Variants in FIG4 observed in about 807,000 individuals in gnomAD.
The protein encoded by FIG4 is polyphosphoinositide phosphatase.
A neutral mutation model predicts 118.6 loss-of-function variants in FIG4; 112 were observed. The observed-to-expected ratio is 0.94, with a 90% confidence interval of 0.81 to 1.11. FIG4 has a LOEUF of 1.11. FIG4 is among the 50% of genes least tolerant of loss of function. FIG4 has a pLI of 0.00. For synonymous variants in FIG4, 369 were observed against 381.2 expected, an observed-to-expected ratio of 0.97 and a Z score of 0.37; for missense variants, 969 against 1,111.7, an observed-to-expected ratio of 0.87 and a Z score of 1.83.
intron 3 of FIG4, among the ~76,000 whole-genome samples, chr6:109,724,305 G>A (rs932058572): frequency 5.9e-5 from 9 of 152,136 alleles, no homozygotes; most frequent in African/African-American, 2.2e-4. Flanking sequence ...AATATTTCAT[G>A]GAGAACACAT....
chr6:109,823,143 C>T (rs1024030516), intron 22 of FIG4, among the ~76,000 whole-genome samples: 10 of 152,042 alleles, frequency 6.6e-5, no homozygotes, highest in African/African-American at 2.4e-4. Flanking sequence ...TCAACCTTTG[C>T]CAGACTGCAG....
intron 1 of FIG4, among the ~76,000 whole-genome samples, chr6:109,698,454 G>A (rs188605655): frequency 6.6e-6 from 1 of 152,320 alleles, no homozygotes; most frequent in African/African-American, 2.4e-5. Context: ...AATCTAGAAA[G>A]AGGAACACTT....
At chr6:109,804,648 A>G (rs1778515159) in intron 22 of FIG4, among the ~76,000 whole-genome samples, 1 of 152,178 alleles carries the variant, frequency 6.6e-6, no homozygotes, top group African/African-American at 2.4e-5. Context: ...AAGTATTTTA[A>G]TATTATTACT....
chr6:109,778,792 G>A (rs1290041722), intron 16 of FIG4, among the ~76,000 whole-genome samples: 1 of 152,000 alleles, frequency 6.6e-6, no homozygotes, highest in Non-Finnish European at 1.5e-5. Flanking sequence ...GTAGAGACGG[G>A]GTTTCACTGT....
chr6:109,757,523 G>T (rs759451868), intron 10 of FIG4, among the ~76,000 whole-genome samples: 6 of 152,140 alleles, frequency 3.9e-5, no homozygotes, highest in African/African-American at 7.2e-5. Flanking sequence ...ATGGGCAAAA[G>T]CTGGAAGCAT....
At chr6:109,763,463 A>G (rs191597967) in intron 12 of FIG4, among the ~76,000 whole-genome samples, 1 of 152,372 alleles carries the variant, frequency 6.6e-6, no homozygotes, top group African/African-American at 2.4e-5. Flanking sequence ...AGTAGTCTCT[A>G]AAAGGAAATC....
chr6:109,792,555 T>A, intron 20 of FIG4, 27 bp from the exon 21 acceptor site: 1 of 1,416,516 alleles, frequency 7.1e-7, no homozygotes, highest in Admixed American at 1.7e-5. Flanking sequence ...TTCTTCCTGG[T>A]TCTTCTTTTT....
chr6:109,700,541 G>A (rs1445908704), intron 1 of FIG4, among the ~76,000 whole-genome samples: 1 of 152,218 alleles, frequency 6.6e-6, no homozygotes, highest in African/African-American at 2.4e-5. Flanking sequence ...GGAAGTATTT[G>A]AAAGAAATGG....
chr6:109,692,959 C>T (rs566622997), intron 1 of FIG4, among the ~76,000 whole-genome samples: 4 of 152,324 alleles, frequency 2.6e-5, no homozygotes, highest in African/African-American at 9.6e-5. Context: ...GTTGGGATTA[C>T]AGGCATGAGC....
chr6:109,767,037 C>T lies in FIG4; in HGVS notation c.1750+142C>T, dbSNP rs1013804961. Reference sequence around the variant, plus strand: ...AACAGTCTGTCACTTAGAAGGTGCTCAGTAAATATTTGTCCAATAAATGAA... The same window carrying T: ...AACAGTCTGTCACTTAGAAGGTGCTTAGTAAATATTTGTCCAATAAATGAA... On this transcript the variant is annotated intron_variant, in intron 15 of 22. Transcript: ENST00000230124. The T allele has an allele frequency of 1.0e-5, 7 of 686,250 alleles. No individual in the cohort carries two copies. In the Admixed American group the frequency reaches 1.3e-4, roughly 13 times the overall value. The allele number at this position is 686,250 out of a possible 1,614,324, so 42.5% of individuals were successfully genotyped here. A position where few individuals can be genotyped will look rare whatever the true frequency, so the allele number is the denominator to read the frequency against.
At chr6:109,713,595 C>T (rs1285011169) in intron 1 of FIG4, among the ~76,000 whole-genome samples, 1 of 152,142 alleles carries the variant, frequency 6.6e-6, no homozygotes, top group African/African-American at 2.4e-5. Flanking sequence ...GTGGATTGCA[C>T]CCCCAACTGC....
intron 4 of FIG4, 55 bp downstream of exon 4, chr6:109,727,320 GC>G: frequency 1.4e-6 from 2 of 1,431,422 alleles, no homozygotes; most frequent in Non-Finnish European, 2.0e-6. Context: ...TTGCCCTGTT[GC>G]CCAGGCTGGA....
intron 1 of FIG4, among the ~76,000 whole-genome samples, chr6:109,699,665 G>A (rs1316592336): frequency 6.6e-6 from 1 of 151,976 alleles, no homozygotes; most frequent in Non-Finnish European, 1.5e-5. Context: ...ACCATGCCCA[G>A]CTAATTTTTT....
intron 13 of FIG4, among the ~76,000 whole-genome samples, chr6:109,764,580 C>T (rs980670436): frequency 3.9e-5 from 6 of 151,924 alleles, no homozygotes; most frequent in Admixed American, 6.6e-5. Context: ...TTGGAAAAGA[C>T]GCCAAGTGTA....
chr6:109,789,503 G>A, intron 18 of FIG4, 91 bp from the exon 19 acceptor site: 1 of 937,964 alleles, frequency 1.1e-6, no homozygotes, highest in South Asian at 1.3e-5. Flanking sequence ...GAGTTAAGAA[G>A]GAATATTGTA....
intron 5 of FIG4, among the ~76,000 whole-genome samples, chr6:109,733,065 A>G (rs1776055310): frequency 6.6e-6 from 1 of 152,130 alleles, no homozygotes; most frequent in South Asian, 2.1e-4. Context: ...TTGGGTAAAA[A>G]CAAATTAAAA....
intron 3 of FIG4, among the ~76,000 whole-genome samples, chr6:109,723,704 C>T (rs913349320): frequency 1.3e-5 from 2 of 152,104 alleles, no homozygotes; most frequent in Non-Finnish European, 2.9e-5. Context: ...TTGGGTCAGT[C>T]CAAGTTCTTC....
At chr6:109,756,861 C>T (rs1776924610) in intron 10 of FIG4, among the ~76,000 whole-genome samples, 1 of 152,094 alleles carries the variant, frequency 6.6e-6, no homozygotes, top group African/African-American at 2.4e-5. Context: ...AAGTTTTCAA[C>T]TTCTTTGTGT....
rs1015300933 is a variant in FIG4, at chr6:109,691,362, G to A, written c.-74G>A. 4.0e-5 allele frequency: 48 copies of A among 1,205,202 alleles called. No individual in the cohort carries two copies. Among genetic ancestry groups the A allele is most frequent in the Middle Eastern group, 1.9e-4 (1 of 5,354 alleles). The allele number at this position is 1,205,202 out of a possible 1,614,324, so 74.7% of individuals were successfully genotyped here. On this transcript the variant is annotated 5_prime_UTR_variant, in exon 1 of 23. Coordinates refer to ENST00000230124, the MANE Select transcript of FIG4 (RefSeq NM_014845.6). ...CTGGACTTGATGTCCAGGGCCTGAG[G>A]GGTTTTCTCGCCGAGTCTCCTGGGG...
Sources: allele counts gnomAD v4.1 joint callset (sites outside exome capture counted in the v4.1 genomes callset), GRCh38; gene constraint gnomAD v4.1.1; transcripts MANE v1.5; gene names NCBI Gene and HGNC (gene_info 2026-07-23, HGNC 2026-07-21).